Variants in SLC2A13 observed in about 807,000 individuals in gnomAD.
SLC2A13 encodes the protein solute carrier family 2 member 13.
Under a neutral mutation model 64.4 loss-of-function variants are expected in SLC2A13, and 32 were observed. That is an observed-to-expected ratio of 0.50 (90% confidence interval 0.37 to 0.67). The LOEUF (loss-of-function observed/expected upper bound fraction) is 0.67. Ranked by LOEUF, SLC2A13 falls within the 30% of genes least tolerant of loss-of-function variation. The pLI is 0.00. For missense variants in SLC2A13, 743 were observed against 829.2 expected (o/e 0.90, Z 1.28); for synonymous variants, 338 against 327.1 (o/e 1.03, Z -0.36).
At chr12:39,995,784 AG>A (rs1177270189) in intron 3 of SLC2A13, among the ~76,000 whole-genome samples, 1 of 152,154 alleles carries the variant, frequency 6.6e-6, no homozygotes, top group Non-Finnish European at 1.5e-5. Context: ...TTCTCGTGAT[AG>A]TGAGTAAGTC....
At chr12:39,767,782 T>C (rs1325976581) in intron 7 of SLC2A13, among the ~76,000 whole-genome samples, 1 of 152,080 alleles carries the variant, frequency 6.6e-6, no homozygotes, top group Admixed American at 6.6e-5. Context: ...GTTCTCATGA[T>C]TGTGAGTGAG....
chr12:39,878,468 G>A (rs1434531728), intron 4 of SLC2A13, among the ~76,000 whole-genome samples: 2 of 152,214 alleles, frequency 1.3e-5, no homozygotes, highest in Non-Finnish European at 2.9e-5. Context: ...CTGTAGCAAA[G>A]GTCATGTGTA....
intron 4 of SLC2A13, among the ~76,000 whole-genome samples, chr12:39,937,893 C>T (rs1031731454): frequency 1.3e-5 from 2 of 152,106 alleles, no homozygotes; most frequent in Admixed American, 1.3e-4. Context: ...ATGAAAAGAA[C>T]ATATCTAATA....
At chr12:39,896,603 T>C (rs1250883064) in intron 4 of SLC2A13, among the ~76,000 whole-genome samples, 3 of 151,320 alleles carry the variant, frequency 2.0e-5, no homozygotes, top group Admixed American at 1.3e-4. Flanking sequence ...CATATATGTA[T>C]GTATATGTGT....
At chr12:40,007,970 AAAATATAAGC>A (rs989708421) in intron 3 of SLC2A13, among the ~76,000 whole-genome samples, 44 of 152,318 alleles carry the variant, frequency 2.9e-4, no homozygotes, top group African/African-American at 1.1e-3. Context: ...ACCCAGATTT[AAAATATAAGC>A]ACTTTCTACT....
intron 6 of SLC2A13, among the ~76,000 whole-genome samples, chr12:39,863,948 G>A (rs903798956): frequency 6.6e-5 from 10 of 152,146 alleles, no homozygotes; most frequent in Non-Finnish European, 1.2e-4. Context: ...TGAGACTTGC[G>A]TCCATCTATT....
intron 6 of SLC2A13, among the ~76,000 whole-genome samples, chr12:39,839,738 T>C (rs569950145): frequency 2.6e-5 from 4 of 152,046 alleles, no homozygotes; most frequent in Non-Finnish European, 5.9e-5. Context: ...TACATGACCA[T>C]TGCTATAACC....
chr12:40,024,717 G>T (rs1198318233), intron 3 of SLC2A13, among the ~76,000 whole-genome samples: 1 of 151,994 alleles, frequency 6.6e-6, no homozygotes. Flanking sequence ...CACCTCTGAT[G>T]CATGTCACTC....
chr12:39,861,548 G>T (rs1279889860), intron 6 of SLC2A13, among the ~76,000 whole-genome samples: 2 of 152,156 alleles, frequency 1.3e-5, no homozygotes, highest in South Asian at 2.1e-4. Flanking sequence ...CATAGGAAAG[G>T]TTTGATTCCT....
chr12:40,086,600 C>T (rs1938594721), intron 1 of SLC2A13, among the ~76,000 whole-genome samples: 1 of 152,106 alleles, frequency 6.6e-6, no homozygotes, highest in African/African-American at 2.4e-5. Context: ...CTTATTACAC[C>T]AACAGCAGAA....
intron 3 of SLC2A13, among the ~76,000 whole-genome samples, chr12:40,012,812 A>G (rs988306648): frequency 1.1e-4 from 17 of 152,218 alleles, no homozygotes; most frequent in African/African-American, 3.6e-4. Flanking sequence ...AATGTCTGGA[A>G]TCCAATTTTA....
chr12:40,009,418 G>GT (rs1306822834), intron 3 of SLC2A13, among the ~76,000 whole-genome samples: 5 of 151,944 alleles, frequency 3.3e-5, no homozygotes, highest in African/African-American at 4.8e-5. Context: ...GAACATTAAG[G>GT]TTTTTTTGTT....
rs773555003 is a variant in SLC2A13, at chr12:40,105,832, G to C, written c.-24C>G. The C allele has an allele frequency of 5.0e-6, 7 of 1,391,132 alleles. No individual in the cohort carries two copies. Among genetic ancestry groups the C allele is most frequent in the Admixed American group, 3.4e-5 (1 of 29,246 alleles). 86.2% of individuals were successfully genotyped at this position (1,391,132 alleles called of 1,614,324 possible). A position where few individuals can be genotyped will look rare whatever the true frequency, so the allele number is the denominator to read the frequency against. On this transcript the variant is annotated 5_prime_UTR_variant, in exon 1 of 10. Transcript: ENST00000280871. The surrounding 1 kb of genome is among the most constrained non-coding windows in gnomAD (Gnocchi z 4.2). Reference sequence around the variant, plus strand: ...ATAGGGCAGGGGCCCGGGGCTGCCCGGGGGGACGCGGCTCCGCGGGCCGGC... The same window carrying C: ...ATAGGGCAGGGGCCCGGGGCTGCCCCGGGGGACGCGGCTCCGCGGGCCGGC...
rs1173224101 is a variant in SLC2A13 at position 39,896,420 on chromosome 12, A to ATG, written c.1035-24461_1035-24460dup. ...TATATGTATACATATATGTATGTAT[A>ATG]TGTGTATATATGTATACATATATGT... On this transcript the variant is annotated intron_variant, in intron 4 of 9. Coordinates refer to ENST00000280871, the MANE Select transcript of SLC2A13 (RefSeq NM_052885.4). 2.2e-4 allele frequency among the ~76,000 whole-genome samples: 27 copies of ATG among 120,390 alleles called. 1 individual carries two copies. Among genetic ancestry groups the ATG allele is most frequent in the East Asian group, 2.2e-3 (10 of 4,538 alleles). The allele number at this position is 120,390 out of a possible 152,430, so 79.0% of individuals were successfully genotyped here.
intron 9 of SLC2A13, among the ~76,000 whole-genome samples, chr12:39,760,953 A>AAC (rs71449492): frequency 6.9e-5 from 7 of 101,516 alleles, no homozygotes; most frequent in Non-Finnish European, 1.2e-4. Context: ...GTCTCTACCA[A>AAC]ACACACACAC....
chr12:39,835,386 C>T (rs1566844738), intron 6 of SLC2A13, among the ~76,000 whole-genome samples: 1 of 152,072 alleles, frequency 6.6e-6, no homozygotes, highest in Non-Finnish European at 1.5e-5. Context: ...CAAACATTTA[C>T]TCTTACATAC....
chr12:40,070,040 A>T (rs1937892030), intron 1 of SLC2A13, among the ~76,000 whole-genome samples: 1 of 152,150 alleles, frequency 6.6e-6, no homozygotes, highest in South Asian at 2.1e-4. Context: ...TGCAATAAGT[A>T]TATTCCCTCA....
intron 7 of SLC2A13, among the ~76,000 whole-genome samples, chr12:39,817,050 G>A (rs1942360087): frequency 6.6e-6 from 1 of 152,208 alleles, no homozygotes. Flanking sequence ...AAAAAAAATA[G>A]GTAGGTGGTG....
chr12:40,000,372 C>T (rs1947303235), intron 3 of SLC2A13, among the ~76,000 whole-genome samples: 1 of 151,960 alleles, frequency 6.6e-6, no homozygotes, highest in Non-Finnish European at 1.5e-5. Context: ...GAACCTCTAC[C>T]CTCTACTAAA....
Sources: allele counts gnomAD v4.1 joint callset (sites outside exome capture counted in the v4.1 genomes callset), GRCh38; gene constraint gnomAD v4.1.1; non-coding constraint Gnocchi (gnomAD v3.1); transcripts MANE v1.5; gene names NCBI Gene and HGNC (gene_info 2026-07-23, HGNC 2026-07-21).